Variants in STX18 observed in about 807,000 individuals in gnomAD.
STX18 encodes syntaxin-18.
STX18 carries 40 observed loss-of-function variants against 50.1 expected under a neutral mutation model. The observed-to-expected ratio is 0.80, with a 90% CI of 0.62 to 1.04. STX18 has a LOEUF of 1.04. Ranked by LOEUF, STX18 falls within the 50% of genes least tolerant of loss-of-function variation. The pLI, the probability that STX18 is intolerant of heterozygous loss-of-function variation, is 0.00. For missense variants in STX18, 410 were observed against 415.8 expected, an observed-to-expected ratio of 0.99 and a Z score of 0.12; for synonymous variants, 158 against 151.8, an observed-to-expected ratio of 1.04 and a Z score of -0.30.
intron 1 of STX18, among the ~76,000 whole-genome samples, chr4:4,500,047 A>G (rs1281552134): frequency 6.6e-6 from 1 of 152,096 alleles, no homozygotes; most frequent in Non-Finnish European, 1.5e-5. Flanking sequence ...CTATGATCCT[A>G]TCTTCAATGG....
chr4:4,440,200 C>T (rs1052909701), intron 5 of STX18, among the ~76,000 whole-genome samples: 12 of 152,092 alleles, frequency 7.9e-5, no homozygotes, highest in African/African-American at 2.9e-4. Flanking sequence ...GGCAGAGAGA[C>T]TGTAATTAAA....
chr4:4,460,292 T>C (rs1300470188), intron 2 of STX18, among the ~76,000 whole-genome samples: 2 of 152,222 alleles, frequency 1.3e-5, no homozygotes, highest in African/African-American at 4.8e-5. Context: ...TAATAAATAC[T>C]TTTGAATGAA....
At chr4:4,447,180 T>G (rs1289493410) in intron 5 of STX18, among the ~76,000 whole-genome samples, 1 of 152,168 alleles carries the variant, frequency 6.6e-6, no homozygotes, top group East Asian at 1.9e-4. Flanking sequence ...CCTGACACAT[T>G]AGCAAATTTT....
intron 1 of STX18, among the ~76,000 whole-genome samples, chr4:4,506,586 G>A (rs543528365): frequency 6.6e-6 from 1 of 152,298 alleles, no homozygotes; most frequent in East Asian, 1.9e-4. Context: ...CATCCTAATA[G>A]GGAAATGGCT....
At chr4:4,429,109 C>A (rs896362407) in intron 7 of STX18, among the ~76,000 whole-genome samples, 1 of 152,188 alleles carries the variant, frequency 6.6e-6, no homozygotes, top group African/African-American at 2.4e-5. Context: ...GGACTTGGGA[C>A]CTATGTGACC....
At chr4:4,475,311 A>C (rs557410743) in intron 1 of STX18, among the ~76,000 whole-genome samples, 1 of 152,386 alleles carries the variant, frequency 6.6e-6, no homozygotes, top group South Asian at 2.1e-4. Flanking sequence ...AGGTGTGTTA[A>C]GTAATTACTG....
At chr4:4,441,302 A>G (rs1394529401) in intron 5 of STX18, among the ~76,000 whole-genome samples, 1 of 152,232 alleles carries the variant, frequency 6.6e-6, no homozygotes, top group Admixed American at 6.5e-5. Flanking sequence ...TAAGAAGAGC[A>G]TGTGGTATGG....
chr4:4,524,672 C>T (rs1329039295), intron 1 of STX18, among the ~76,000 whole-genome samples: 2 of 152,230 alleles, frequency 1.3e-5, no homozygotes, highest in Non-Finnish European at 2.9e-5. Flanking sequence ...GTAAGAAAAA[C>T]CAGGCCTGTG....
intron 7 of STX18, 91 bp downstream of exon 7, chr4:4,434,679 G>A: frequency 2.0e-6 from 2 of 1,003,718 alleles, no homozygotes; most frequent in Non-Finnish European, 2.9e-6. Flanking sequence ...ATAAAAATAA[G>A]GGCAAGGGCA....
intron 5 of STX18, among the ~76,000 whole-genome samples, chr4:4,451,869 T>C (rs1221741055): frequency 2.0e-5 from 3 of 152,142 alleles, no homozygotes; most frequent in South Asian, 4.1e-4. Context: ...TATCACTCAC[T>C]TGAAGTCAAA....
At chr4:4,507,129 G>T in intron 1 of STX18, 2 of 559,056 alleles carry the variant, frequency 3.6e-6, no homozygotes, top group Non-Finnish European at 7.0e-6. Context: ...AAGAAGCCAG[G>T]TGAGTTCCAA....
At chr4:4,489,439 G>A (rs1242045393) in intron 1 of STX18, among the ~76,000 whole-genome samples, 2 of 92,540 alleles carry the variant, frequency 2.2e-5, no homozygotes, top group African/African-American at 4.1e-5. Flanking sequence ...TGGTAGAGAC[G>A]AGGTCTTGCC....
rs192039684 is a variant in STX18 at position 4,529,118 on chromosome 4, C to A, written c.168+12679G>T. Among the ~76,000 whole-genome samples, 1,395 of 152,322 alleles carry A rather than the reference C, an allele frequency of 9.2e-3. 27 individuals carry two copies. Among genetic ancestry groups the A allele is most frequent in the African/African-American group, 0.031 (1,269 of 41,570 alleles). On this transcript the variant is annotated intron_variant, in intron 1 of 10. Transcript: ENST00000306200. Reference sequence around the variant, plus strand: ...GTGGCTCACACCTGTAATCCCAGCACTTTCGGAGGCTGAGACGGGCGGATC... The same window carrying A: ...GTGGCTCACACCTGTAATCCCAGCAATTTCGGAGGCTGAGACGGGCGGATC...
chr4:4,470,758 G>T (rs1380816756), intron 2 of STX18, among the ~76,000 whole-genome samples: 2 of 152,170 alleles, frequency 1.3e-5, no homozygotes, highest in African/African-American at 4.8e-5. Flanking sequence ...CCTGCACCAG[G>T]AAAGGGCATG....
At chr4:4,530,010 C>CCCCCA (rs1209031260) in intron 1 of STX18, among the ~76,000 whole-genome samples, 1 of 152,094 alleles carries the variant, frequency 6.6e-6, no homozygotes, top group Non-Finnish European at 1.5e-5. Flanking sequence ...CTTTAAATAG[C>CCCCCA]CCCCACCCCT....
At chr4:4,462,017 AGTGT>A (rs1727406804) in intron 2 of STX18, 5 of 455,744 alleles carry the variant, frequency 1.1e-5, no homozygotes, top group Non-Finnish European at 1.8e-5. Flanking sequence ...CTAATGCCTG[AGTGT>A]GTCTAATTCA....
At chr4:4,456,284 A>G (rs1173713188) in intron 5 of STX18, among the ~76,000 whole-genome samples, 1 of 152,150 alleles carries the variant, frequency 6.6e-6, no homozygotes, top group Non-Finnish European at 1.5e-5. Context: ...AAAAAAAACA[A>G]AAAAGAAAAT....
At chr4:4,446,629 T>C (rs930088436) in intron 5 of STX18, among the ~76,000 whole-genome samples, 1 of 152,256 alleles carries the variant, frequency 6.6e-6, no homozygotes, top group African/African-American at 2.4e-5. Context: ...TCCAGTAGAA[T>C]GGCTAGAAAA....
intron 6 of STX18, among the ~76,000 whole-genome samples, chr4:4,437,811 C>G (rs544426623): frequency 1.3e-5 from 2 of 152,350 alleles, no homozygotes; most frequent in Admixed American, 6.5e-5. Flanking sequence ...ACACACAGAT[C>G]GCAGACATCC....
Sources: allele counts gnomAD v4.1 joint callset (sites outside exome capture counted in the v4.1 genomes callset), GRCh38; gene constraint gnomAD v4.1.1; transcripts MANE v1.5; gene names NCBI Gene and HGNC (gene_info 2026-07-23, HGNC 2026-07-21).